PLEKHG1: variants seen among roughly 807,000 people sequenced by gnomAD.
PLEKHG1 encodes the protein pleckstrin homology domain-containing family G member 1.
In PLEKHG1, 44 loss-of-function variants were observed where a neutral mutation model predicts 100.8. That is an observed-to-expected ratio of 0.44 (90% CI 0.34 to 0.56). PLEKHG1 has a LOEUF of 0.56. Among genes scored for constraint, PLEKHG1 ranks in the 20% least tolerant of loss-of-function variants. PLEKHG1 has a pLI of 0.01. For synonymous variants in PLEKHG1, 640 were observed against 662.5 expected, an observed-to-expected ratio of 0.97 and a Z score of 0.52; for missense variants, 1,545 against 1,720.9, an observed-to-expected ratio of 0.90 and a Z score of 1.81.
chr6:150,803,157 A>G (rs1194464045), intron 6 of PLEKHG1, among the ~76,000 whole-genome samples: 1 of 152,220 alleles, frequency 6.6e-6, no homozygotes, highest in Non-Finnish European at 1.5e-5. Flanking sequence ...ATTCTTTTAC[A>G]GTTTCTAGCT....
intron 1 of PLEKHG1, among the ~76,000 whole-genome samples, chr6:150,602,912 T>C (rs1776412881): frequency 6.6e-6 from 1 of 151,560 alleles, no homozygotes; most frequent in Non-Finnish European, 1.5e-5. Context: ...AAACCCCGTC[T>C]CTACTAAAAA....
At chr6:150,795,613 T>C (rs1405912725) in intron 4 of PLEKHG1, among the ~76,000 whole-genome samples, 1 of 151,364 alleles carries the variant, frequency 6.6e-6, no homozygotes, top group African/African-American at 2.4e-5. Context: ...TCCCAGCTAC[T>C]CGGGAGGCTG....
At chr6:150,718,479 T>G (rs1423297223), upstream of PLEKHG1, among the ~76,000 whole-genome samples, 1 of 150,460 alleles carries the variant, frequency 6.6e-6, no homozygotes, top group African/African-American at 2.4e-5. Flanking sequence ...CTTTTTTTTT[T>G]TTTTTTTTGA....
At chr6:150,603,612 T>G (rs1248072800) in intron 1 of PLEKHG1, among the ~76,000 whole-genome samples, 2 of 152,152 alleles carry the variant, frequency 1.3e-5, no homozygotes, top group East Asian at 1.9e-4. Context: ...GAGTTGACTG[T>G]GTATCTAGAA....
chr6:150,607,382 T>C (rs1776646261), intron 1 of PLEKHG1, among the ~76,000 whole-genome samples: 1 of 152,166 alleles, frequency 6.6e-6, no homozygotes, highest in African/African-American at 2.4e-5. Context: ...ACTTCTCTGA[T>C]GTGCTGCAGA....
At chr6:150,637,242 A>T (rs977569828) in intron 1 of PLEKHG1, among the ~76,000 whole-genome samples, 1 of 152,212 alleles carries the variant, frequency 6.6e-6, no homozygotes, top group African/African-American at 2.4e-5. Context: ...ATAGAATTAG[A>T]TCCATAGAGA....
In PLEKHG1 at chr6:150,635,542, CAA is replaced by C. The variant is rs564645992; in HGVS notation, c.-203-2537_-203-2536del. 1.0e-3 allele frequency among the ~76,000 whole-genome samples: 152 copies of C among 152,270 alleles called. 1 individual carries two copies. Among genetic ancestry groups the C allele is most frequent in the Admixed American group, 2.7e-3 (42 of 15,298 alleles). Reference sequence around the variant, plus strand: ...ATCTCAGCTGTCTTCACTTATAGGACAATATCTGAGCTTACCTGGAGCCACAT... The same window carrying C: ...ATCTCAGCTGTCTTCACTTATAGGACTATCTGAGCTTACCTGGAGCCACAT... On this transcript the variant is annotated intron_variant, in intron 1 of 3. Coordinates refer to the PLEKHG1 transcript ENST00000367326.
intron 4 of PLEKHG1, 123 bp from the exon 6 acceptor site, chr6:150,795,732 AC>A: frequency 7.4e-6 from 3 of 405,702 alleles, no homozygotes; most frequent in South Asian, 8.0e-5. Flanking sequence ...AAAAAAAAAA[AC>A]AAAAAACATA....
chr6:150,689,209 G>A (rs1780252467), intron 3 of PLEKHG1, among the ~76,000 whole-genome samples: 1 of 152,084 alleles, frequency 6.6e-6, no homozygotes, highest in South Asian at 2.1e-4. Flanking sequence ...ATCCATATCA[G>A]AAGTTCATTT....
chr6:150,680,318 G>A (rs574361323), intron 3 of PLEKHG1, among the ~76,000 whole-genome samples: 15 of 152,216 alleles, frequency 9.9e-5, no homozygotes, highest in Non-Finnish European at 1.9e-4. Context: ...TGGAAAAAAG[G>A]TGGAAAGGAT....
chr6:150,671,432 A>T (rs1779577358), intron 3 of PLEKHG1, among the ~76,000 whole-genome samples: 1 of 152,182 alleles, frequency 6.6e-6, no homozygotes, highest in African/African-American at 2.4e-5. Context: ...AGTATTCCTT[A>T]AAAGAGGAAA....
At chr6:150,710,436 A>G (rs1781201570) in intron 3 of PLEKHG1, among the ~76,000 whole-genome samples, 1 of 152,054 alleles carries the variant, frequency 6.6e-6, no homozygotes, top group Admixed American at 6.5e-5. Flanking sequence ...TACTATAACC[A>G]CACCTTTTAA....
At chr6:150,648,051 A>T (rs770155185) in intron 2 of PLEKHG1, among the ~76,000 whole-genome samples, 1 of 152,072 alleles carries the variant, frequency 6.6e-6, no homozygotes, top group East Asian at 1.9e-4. Flanking sequence ...ATTTCTTTAA[A>T]TGTCTTCTAT....
chr6:150,692,741 AG>A (rs1780389593), intron 3 of PLEKHG1, among the ~76,000 whole-genome samples: 2 of 152,350 alleles, frequency 1.3e-5, no homozygotes, highest in African/African-American at 4.8e-5. Context: ...ATTTAGGCCA[AG>A]AGAAAGTAAG....
rs73783129 is a variant in PLEKHG1, at chr6:150,837,362, G to T, written c.3095-2471G>T. ...GGGCTTATGGAGAATCTTGAGAGAT[G>T]AGTAGGATTTGATTAAGCAAAGGAC... On this transcript the variant is annotated intron_variant, in intron 15 of 15. Coordinates refer to ENST00000358517, the Ensembl canonical transcript of PLEKHG1. Among the ~76,000 whole-genome samples the T allele has an allele frequency of 5.1e-3, 783 of 152,344 alleles. 3 individuals carry two copies. The highest frequency in any genetic ancestry group is 0.018 in the East Asian group (92 of 5,180).
intron 13 of PLEKHG1, among the ~76,000 whole-genome samples, chr6:150,821,696 T>TAATAAA (rs2128679444): frequency 6.6e-6 from 1 of 151,710 alleles, no homozygotes; most frequent in East Asian, 1.9e-4. Flanking sequence ...AAAATAATAA[T>TAATAAA]AATAAAATTT....
Position 150,831,346 on chromosome 6 carries a change from A to G in PLEKHG1, c.2235A>G (p.Ile745Met), listed in dbSNP as rs1354240578. The change falls in exon 15 of 16, where the codon ATA becomes ATG. Residue 745 changes from isoleucine (I) to methionine (M), a missense_variant. Ile to Met is a conservative substitution (Grantham distance 10). Coordinates refer to ENST00000358517, the Ensembl canonical transcript of PLEKHG1. This position sits in a 1 kb window ranked among gnomAD's most constrained non-coding sequence, Gnocchi z 4.1. ...TTGAGGAGAACATCTATGACACCAT[A>G]GGGCTCCCAGATCCTCCGTCGCTGG... 5 of 1,614,074 alleles carry G rather than the reference A, an allele frequency of 3.1e-6. No homozygotes were observed. The highest frequency in any genetic ancestry group is 2.2e-5 in the East Asian group (1 of 44,856).
At chr6:150,655,261 A>G (rs933690091) in intron 3 of PLEKHG1, among the ~76,000 whole-genome samples, 2 of 152,208 alleles carry the variant, frequency 1.3e-5, no homozygotes, top group African/African-American at 2.4e-5. Context: ...ATACTATTTG[A>G]TCCAGCAGTC....
intron 1 of PLEKHG1, among the ~76,000 whole-genome samples, chr6:150,723,228 A>G (rs764368853): frequency 2.2e-5 from 1 of 45,880 alleles, no homozygotes; most frequent in Admixed American, 2.0e-4. Context: ...AGATGCAAAG[A>G]TCAGTACAAA....
Sources: allele counts gnomAD v4.1 joint callset (sites outside exome capture counted in the v4.1 genomes callset), GRCh38; gene constraint gnomAD v4.1.1; non-coding constraint Gnocchi (gnomAD v3.1); transcripts MANE v1.5; gene names NCBI Gene and HGNC (gene_info 2026-07-23, HGNC 2026-07-21).